Variants in MYL9 observed in about 807,000 individuals in gnomAD.
MYL9 encodes myosin regulatory light polypeptide 9.
In MYL9, 7 loss-of-function variants were observed where a neutral mutation model predicts 12.8. The ratio of observed to expected loss-of-function variants is 0.55; its 90% CI spans 0.31 to 1.03. The LOEUF (loss-of-function observed/expected upper bound fraction) is 1.03, where lower values mean the gene tolerates loss of function less well. Among genes scored for constraint, MYL9 ranks in the 50% least tolerant of loss-of-function variants. MYL9 has a pLI of 0.05. For synonymous variants in MYL9, 81 were observed against 87.8 expected (o/e 0.92, Z 0.43); for missense variants, 190 against 242.7 (o/e 0.78, Z 1.44).
chr20:36,542,120 G>A (rs561173152), intron 1 of MYL9, among the ~76,000 whole-genome samples: 16 of 152,252 alleles, frequency 1.1e-4, no homozygotes, highest in African/African-American at 3.4e-4. Context: ...GCAGGGACCC[G>A]GGCCTTCCCC....
rs113147995 is a variant in MYL9, at chr20:36,542,524, G to A, written c.-27+963G>A. On this transcript the variant is annotated intron_variant, in intron 1 of 3. Transcript: ENST00000279022. The stretch of plus-strand genomic sequence containing the variant: ...AAGGCCCCACCCATGCCTGCCCCTC[G>A]CCCCTCCACCAGTTCTAGAAGGCGC... Among the ~76,000 whole-genome samples the A allele has an allele frequency of 5.3e-5, 8 of 151,700 alleles. No homozygotes were observed. The South Asian group carries it at 1.5e-3, about 28-fold the overall frequency.
In MYL9 at chr20:36,550,792, C is replaced by T. The variant is rs960925816; in HGVS notation, c.*1543C>T. On this transcript the variant is annotated 3_prime_UTR_variant, in exon 4 of 4. Coordinates refer to ENST00000279022, the MANE Select transcript of MYL9 (RefSeq NM_006097.5). ...GTATCAACTCCAGAAGGGGCGAGAC[C>T]CGAACAAGTTCCAAACCAGGCCCAA... The T allele has an allele frequency of 1.3e-5, 2 of 152,362 alleles. No individual in the cohort carries two copies. Among genetic ancestry groups the T allele is most frequent in the African/African-American group, 4.8e-5 (2 of 41,444 alleles). The allele number at this position is 152,362 out of a possible 1,614,324, so 9.4% of individuals were successfully genotyped here. A position where few individuals can be genotyped will look rare whatever the true frequency, so the allele number is the denominator to read the frequency against.
intron 3 of MYL9, among the ~76,000 whole-genome samples, 159 bp from the exon 4 acceptor site, chr20:36,548,918 C>A (rs1256821075): frequency 1.3e-5 from 2 of 152,072 alleles, no homozygotes; most frequent in Non-Finnish European, 2.9e-5. Context: ...CCCCACACCC[C>A]TCCTGCCACG....
At chr20:36,542,061 G>A (rs2038043455) in intron 1 of MYL9, among the ~76,000 whole-genome samples, 1 of 152,168 alleles carries the variant, frequency 6.6e-6, no homozygotes, top group African/African-American at 2.4e-5. Context: ...CTGGGCCAGG[G>A]GAAAGGGACC....
chr20:36,542,066 G>C (rs2038043529), intron 1 of MYL9, among the ~76,000 whole-genome samples: 1 of 152,156 alleles, frequency 6.6e-6, no homozygotes, highest in Non-Finnish European at 1.5e-5. Context: ...CCAGGGGAAA[G>C]GGACCGAGAC....
At chr20:36,547,092 C>T (rs1247731322) in intron 2 of MYL9, among the ~76,000 whole-genome samples, 1 of 152,164 alleles carries the variant, frequency 6.6e-6, no homozygotes, top group Non-Finnish European at 1.5e-5. Flanking sequence ...TTTCCAAGGC[C>T]ACACCCTGCA....
intron 2 of MYL9, among the ~76,000 whole-genome samples, chr20:36,545,547 A>G (rs1425009236): frequency 6.6e-6 from 1 of 151,118 alleles, no homozygotes; most frequent in Non-Finnish European, 1.5e-5. Context: ...GGTCCACCAC[A>G]GGGTCTGAAC....
chr20:36,547,346 CAG>C (rs1162240736), intron 2 of MYL9, among the ~76,000 whole-genome samples: 2 of 152,228 alleles, frequency 1.3e-5, no homozygotes, highest in Non-Finnish European at 2.9e-5. Context: ...AACTGAGGCT[CAG>C]AGAGGTTAAG....
At chr20:36,546,452 T>A (rs959629819) in intron 2 of MYL9, among the ~76,000 whole-genome samples, 10 of 151,994 alleles carry the variant, frequency 6.6e-5, no homozygotes, top group African/African-American at 2.2e-4. Flanking sequence ...ACCCTGACAT[T>A]TCCCCACGAG....
chr20:36,542,366 A>C (rs912590866), intron 1 of MYL9, among the ~76,000 whole-genome samples: 2 of 152,068 alleles, frequency 1.3e-5, no homozygotes, highest in African/African-American at 4.8e-5. Context: ...GCTTCAGCCC[A>C]GCCTTTTCTG....
chr20:36,543,126 T>C (rs78736363), intron 1 of MYL9, among the ~76,000 whole-genome samples: 1 of 152,128 alleles, frequency 6.6e-6, no homozygotes, highest in Non-Finnish European at 1.5e-5. Flanking sequence ...GGGGCCGGCA[T>C]CTGGGGACAA....
In MYL9 at chr20:36,548,180, C is replaced by G; in HGVS notation, c.333C>G (p.Asp111Glu). 6.2e-7 allele frequency: 1 copy of G among 1,611,462 alleles called. No homozygotes were observed. Among genetic ancestry groups the G allele is most frequent in the Non-Finnish European group, 8.5e-7 (1 of 1,178,338 alleles). Residue 111 changes from aspartate (D) to glutamate (E), a missense_variant, in exon 3 of 4, where the codon GAC (aspartate) becomes GAG (glutamate). Asp to Glu is a conservative substitution (Grantham distance 45, BLOSUM62 2). Coordinates refer to ENST00000279022, the MANE Select transcript of MYL9 (RefSeq NM_006097.5). ...TTCGCAACGCCTTTGCCTGCTTCGACGAGGAAGCCTCAGGTCCGTGGCGCC... is the reference window on the plus strand; with the variant it reads ...TTCGCAACGCCTTTGCCTGCTTCGAGGAGGAAGCCTCAGGTCCGTGGCGCC... Reference protein sequence around the residue: ...DVIRNAFACFDEEASGFIHED... With the variant: ...DVIRNAFACFEEEASGFIHED...
chr20:36,542,078 A>AG (rs2038043852), intron 1 of MYL9, among the ~76,000 whole-genome samples: 1 of 152,046 alleles, frequency 6.6e-6, no homozygotes, highest in African/African-American at 2.4e-5. Flanking sequence ...GACCGAGACC[A>AG]GGGGGCCCTT....
chr20:36,548,832 C>T (rs1222740972), intron 3 of MYL9, among the ~76,000 whole-genome samples: 1 of 152,198 alleles, frequency 6.6e-6, no homozygotes, highest in African/African-American at 2.4e-5. Context: ...ACCTCGGAGA[C>T]AGTCCCACTG....
chr20:36,542,311 C>T (rs2038046667), intron 1 of MYL9, among the ~76,000 whole-genome samples: 1 of 152,164 alleles, frequency 6.6e-6, no homozygotes, highest in Non-Finnish European at 1.5e-5. Flanking sequence ...ATCTGGCCTG[C>T]CCAGCTCCAG....
chr20:36,542,395 C>T (rs2038047593), intron 1 of MYL9, among the ~76,000 whole-genome samples: 1 of 152,130 alleles, frequency 6.6e-6, no homozygotes, highest in African/African-American at 2.4e-5. Context: ...GGAATCTGGA[C>T]ACCAGGATGG....
Position 36,548,092 on chromosome 20 carries a change from A to G in MYL9, c.245A>G (p.Asn82Ser), listed in dbSNP as rs1244159706. 2 of 1,613,910 alleles carry G rather than the reference A, an allele frequency of 1.2e-6. No homozygotes were observed. The highest frequency in any genetic ancestry group is 1.7e-5 in the Admixed American group (1 of 59,990). Residue 82 changes from asparagine to serine, a missense_variant, in exon 3 of 4, where the codon AAC (asparagine) becomes AGC (serine). Asn to Ser is a conservative substitution (Grantham distance 46). Transcript: ENST00000279022. The part of the protein sequence containing the change: ...GMMSEAPGPI[N>S]FTMFLTMFGE... ...ATGAGCGAGGCCCCGGGGCCCATCA[A>G]CTTCACCATGTTCCTCACCATGTTT...
chr20:36,547,956 G>A, intron 2 of MYL9, 76 bp from the exon 3 acceptor site: 1 of 1,477,220 alleles, frequency 6.8e-7, no homozygotes, highest in Non-Finnish European at 9.1e-7. Flanking sequence ...GCAGGGGTGG[G>A]GGACGGGGGT....
rs2038076381 is a variant in MYL9, at chr20:36,544,904, A to G, written c.20A>G (p.Lys7Arg). Residue 7 changes from lysine to arginine, a missense_variant, in exon 2 of 4, where the codon AAA (lysine) becomes AGA (arginine). Coordinates refer to ENST00000279022, the MANE Select transcript of MYL9 (RefSeq NM_006097.5). MSSKRA[K>R]AKTTKKRPQR... Reference sequence around the variant, plus strand: ...GCCAAGATGTCCAGCAAGCGGGCCAAAGCCAAGACCACCAAGAAGCGGCCA... The same window carrying G: ...GCCAAGATGTCCAGCAAGCGGGCCAGAGCCAAGACCACCAAGAAGCGGCCA... The G allele has an allele frequency of 1.2e-6, 2 of 1,613,596 alleles. No homozygotes were observed. The highest frequency in any genetic ancestry group is 1.7e-6 in the Non-Finnish European group (2 of 1,179,846).
Sources: allele counts gnomAD v4.1 joint callset (sites outside exome capture counted in the v4.1 genomes callset), GRCh38; gene constraint gnomAD v4.1.1; transcripts MANE v1.5; gene names NCBI Gene and HGNC (gene_info 2026-07-23, HGNC 2026-07-21).